Variants in QSOX2 observed in about 807,000 individuals in gnomAD.
QSOX2 encodes the protein sulfhydryl oxidase 2.
A neutral mutation model predicts 61.7 loss-of-function variants in QSOX2; 46 were observed. The observed-to-expected ratio is 0.75, with a 90% CI of 0.59 to 0.95. The LOEUF (loss-of-function observed/expected upper bound fraction) is 0.95, where lower values mean the gene tolerates loss of function less well. QSOX2 is among the 40% of genes least tolerant of loss of function. QSOX2 has a pLI of 0.00. For synonymous variants in QSOX2, 383 were observed against 388.4 expected (o/e 0.99, Z 0.16); for missense variants, 879 against 918.9 (o/e 0.96, Z 0.56).
chr9:136,236,503 G>A (rs1830383270), intron 1 of QSOX2, among the ~76,000 whole-genome samples: 1 of 152,252 alleles, frequency 6.6e-6, no homozygotes. Context: ...CACGACAGCA[G>A]AAGAGCCAGC....
rs73668097 is a variant in QSOX2 at position 136,223,970 on chromosome 9, C to A, written c.584+37G>T. On this transcript the variant is annotated intron_variant, in intron 4 of 11. Transcript: ENST00000358701. The surrounding 1 kb of genome is among the most constrained non-coding windows in gnomAD (Gnocchi z 4.4). ...ATTACGTTTCTTGCACAGTTCAACA[C>A]GAGTCTAACGGCCGCCTTCTTCATG... is the stretch of plus-strand genomic sequence containing the variant. The A allele has an allele frequency of 6.3e-7, 1 of 1,591,080 alleles. No homozygotes were observed. The highest frequency in any genetic ancestry group is 2.2e-5 in the East Asian group (1 of 44,760).
At chr9:136,215,410 T>A (rs1488305879) in intron 9 of QSOX2, 106 bp from the exon 10 acceptor site, 16 of 517,598 alleles carry the variant, frequency 3.1e-5, no homozygotes, top group Non-Finnish European at 2.6e-5. Flanking sequence ...ATAATGGGGG[T>A]GTGGTTTACT....
At chr9:136,210,217 T>G in intron 11 of QSOX2, 1 of 985,470 alleles carries the variant, frequency 1.0e-6, no homozygotes, top group Non-Finnish European at 1.2e-6. Context: ...GCGCCAGCCC[T>G]GGGCAGAAGA....
chr9:136,241,043 T>G (rs1830429451), intron 1 of QSOX2, among the ~76,000 whole-genome samples: 1 of 151,166 alleles, frequency 6.6e-6, no homozygotes, highest in South Asian at 2.1e-4. Flanking sequence ...CCCGTCTTAC[T>G]TCAACAACAA....
rs765531385 is a variant in QSOX2, at chr9:136,219,123, G to A, written c.863C>T (p.Ser288Leu). The change falls in exon 7 of 12, where the codon TCA becomes TTA. Residue 288 changes from serine (S) to leucine (L), a missense_variant. By Grantham distance (145) the Ser-to-Leu change is moderately radical. Transcript: ENST00000358701. ...CGATTTTTTCCTCACATCCGGCAATGACTTCAAATAAGACGAAAAGAAGGC... is the reference window on the plus strand; with the variant it reads ...CGATTTTTTCCTCACATCCGGCAATAACTTCAAATAAGACGAAAAGAAGGC... ...LRAFFSSYLK[S>L]LPDVRKKSLP... The A allele has an allele frequency of 1.2e-6, 2 of 1,613,920 alleles. No individual in the cohort carries two copies. Among genetic ancestry groups the A allele is most frequent in the African/African-American group, 2.7e-5 (2 of 74,912 alleles).
At chr9:136,211,529 G>T in intron 10 of QSOX2, 77 bp from the exon 11 acceptor site, 1 of 1,467,648 alleles carries the variant, frequency 6.8e-7, no homozygotes, top group Non-Finnish European at 9.4e-7. Context: ...AGAGAGCCTG[G>T]GGGGAAACCG....
chr9:136,212,084 C>T (rs556260287), intron 10 of QSOX2, among the ~76,000 whole-genome samples: 4 of 152,198 alleles, frequency 2.6e-5, no homozygotes, highest in Admixed American at 2.0e-4. Flanking sequence ...TTTGTGCCAC[C>T]GAACGTATTA....
intron 3 of QSOX2, among the ~76,000 whole-genome samples, chr9:136,224,647 T>TA (rs1303571466): frequency 6.6e-6 from 1 of 152,242 alleles, no homozygotes; most frequent in Non-Finnish European, 1.5e-5. Flanking sequence ...AAAAAGTTTT[T>TA]ACTACAATAT....
intron 10 of QSOX2, 90 bp downstream of exon 10, chr9:136,215,064 C>T: frequency 6.9e-7 from 1 of 1,442,962 alleles, no homozygotes; most frequent in Non-Finnish European, 9.3e-7. Flanking sequence ...TGCTGCCTCC[C>T]ATACAGCAGT....
chr9:136,219,307 G>T, intron 6 of QSOX2, 143 bp from the exon 7 acceptor site: 1 of 1,022,132 alleles, frequency 9.8e-7, no homozygotes, highest in Non-Finnish European at 1.4e-6. Flanking sequence ...GGGAACAGCT[G>T]ACACCCCGCC....
intron 8 of QSOX2, among the ~76,000 whole-genome samples, chr9:136,217,718 G>C (rs563464543): frequency 6.6e-6 from 1 of 152,224 alleles, no homozygotes; most frequent in Non-Finnish European, 1.5e-5. Context: ...ACAGCTGTGC[G>C]ACTCCAGCGA....
Position 136,221,755 on chromosome 9 carries a change from C to T in QSOX2, c.821+41G>A. On this transcript the variant is annotated intron_variant, in intron 6 of 11. Coordinates refer to ENST00000358701, the MANE Select transcript of QSOX2 (RefSeq NM_181701.4). The surrounding 1 kb of genome is among the most constrained non-coding windows in gnomAD (Gnocchi z 4.5). ...TACTCGGAGCCTCTGTCCGGTAACT[C>T]CGAGCGGCACGGAGTTCCCAGACCC... 1 of 1,550,534 alleles carries T rather than the reference C, an allele frequency of 6.4e-7. No individual in the cohort carries two copies. The highest frequency in any genetic ancestry group is 8.7e-7 in the Non-Finnish European group (1 of 1,144,974).
chr9:136,211,250 C>G lies in QSOX2; in HGVS notation c.1549+14G>C. The G allele has an allele frequency of 6.2e-7, 1 of 1,612,914 alleles. No homozygotes were observed. The highest frequency in any genetic ancestry group is 8.5e-7 in the Non-Finnish European group (1 of 1,179,136). On this transcript the variant is annotated intron_variant, in intron 11 of 11. Coordinates refer to ENST00000358701, the MANE Select transcript of QSOX2 (RefSeq NM_181701.4). ...CCGCCCGTGCTGAGCCCCCCATGCC[C>G]AGGGGCTTCTCACCTGCCAGGCGGC...
At chr9:136,244,841 G>A (rs750750983) in intron 1 of QSOX2, among the ~76,000 whole-genome samples, 1 of 152,222 alleles carries the variant, frequency 6.6e-6, no homozygotes, top group Non-Finnish European at 1.5e-5. Context: ...TCTTTGTAGA[G>A]TTAAAAAAAT....
At chr9:136,220,124 T>C (rs1196084576) in intron 6 of QSOX2, among the ~76,000 whole-genome samples, 1 of 152,108 alleles carries the variant, frequency 6.6e-6, no homozygotes, top group Non-Finnish European at 1.5e-5. Flanking sequence ...CTCAACCTCC[T>C]GGGCTCAAAT....
intron 1 of QSOX2, among the ~76,000 whole-genome samples, chr9:136,229,364 G>A (rs1830310405): frequency 1.3e-5 from 2 of 152,248 alleles, no homozygotes; most frequent in African/African-American, 2.4e-5. Context: ...GGCAGCTCAC[G>A]GGCGGACCCC....
At chr9:136,243,574 TC>T (rs1341861995) in intron 1 of QSOX2, among the ~76,000 whole-genome samples, 2 of 152,362 alleles carry the variant, frequency 1.3e-5, no homozygotes, top group Non-Finnish European at 2.9e-5. Flanking sequence ...AACTTCTGTC[TC>T]CCTAAAATGT....
In QSOX2 at chr9:136,223,353, C is replaced by T. The variant is rs193246398; in HGVS notation, c.675+410G>A. ...TGAAATCAAAGTATGACGATAGAAA[C>T]GACGTTTTACAGAATCTTGGATTTG... On this transcript the variant is annotated intron_variant, in intron 5 of 11. Transcript: ENST00000358701. The surrounding 1 kb of genome is among the most constrained non-coding windows in gnomAD (Gnocchi z 4.4). 1.6e-4 allele frequency among the ~76,000 whole-genome samples: 24 copies of T among 152,214 alleles called. No homozygotes were observed. The highest frequency in any genetic ancestry group is 3.2e-4 in the Non-Finnish European group (22 of 68,020).
In QSOX2 at chr9:136,232,917, C is replaced by CAAA. The variant is rs60814748; in HGVS notation, c.329-6046_329-6044dup. 4.5e-3 allele frequency among the ~76,000 whole-genome samples: 203 copies of CAAA among 45,346 alleles called. 2 individuals are homozygous for CAAA. The highest frequency in any genetic ancestry group is 0.012 in the African/African-American group (168 of 13,616). The allele number at this position is 45,346 out of a possible 152,430, so 29.7% of individuals were successfully genotyped here. A position where few individuals can be genotyped will look rare whatever the true frequency, so the allele number is the denominator to read the frequency against. On this transcript the variant is annotated intron_variant, in intron 1 of 11. Transcript: ENST00000358701. ...GCCTGGGTAGAGTGAGAACCTGTCTCAAAAAAAAAAAAAAAAAAAAAGAAA... is the reference window on the plus strand; with the variant it reads ...GCCTGGGTAGAGTGAGAACCTGTCTCAAAAAAAAAAAAAAAAAAAAAAAAGAAA...
Sources: allele counts gnomAD v4.1 joint callset (sites outside exome capture counted in the v4.1 genomes callset), GRCh38; gene constraint gnomAD v4.1.1; non-coding constraint Gnocchi (gnomAD v3.1); transcripts MANE v1.5; gene names NCBI Gene and HGNC (gene_info 2026-07-23, HGNC 2026-07-21).